PID1: variants seen among roughly 807,000 people sequenced by gnomAD.
PID1 encodes the protein PTB-containing, cubilin and LRP1-interacting protein.
Under a neutral mutation model 19.1 loss-of-function variants are expected in PID1, and 10 were observed. That is an observed-to-expected ratio of 0.52 (90% CI 0.32 to 0.89). The LOEUF is 0.89. Among genes scored for constraint, PID1 ranks in the 40% least tolerant of loss-of-function variants. The probability of loss-of-function intolerance (pLI) is 0.03; values close to 1 mark genes in which losing one functional copy is unlikely to be tolerated. For synonymous variants in PID1, 130 were observed against 116.0 expected, an observed-to-expected ratio of 1.12 and a Z score of -0.78; for missense variants, 248 against 285.3, an observed-to-expected ratio of 0.87 and a Z score of 0.94.
At chr2:229,100,901 G>C (rs1298121211) in intron 2 of PID1, among the ~76,000 whole-genome samples, 1 of 152,186 alleles carries the variant, frequency 6.6e-6, no homozygotes, top group Non-Finnish European at 1.5e-5. Context: ...ATAAGGTCTG[G>C]CGACTAGTCA....
intron 1 of PID1, among the ~76,000 whole-genome samples, chr2:229,235,903 T>C (rs919728976): frequency 2.0e-5 from 3 of 152,168 alleles, no homozygotes; most frequent in Non-Finnish European, 4.4e-5. Context: ...AAAAGACCTA[T>C]GGCCAGCTGG....
chr2:229,193,828 A>C (rs1691315750), intron 1 of PID1, among the ~76,000 whole-genome samples: 2 of 152,048 alleles, frequency 1.3e-5, no homozygotes, highest in Non-Finnish European at 2.9e-5. Context: ...CGGAAAGAAA[A>C]ACAAGTAAAA....
At chr2:229,247,776 G>A (rs563521614) in intron 1 of PID1, among the ~76,000 whole-genome samples, 6 of 152,160 alleles carry the variant, frequency 3.9e-5, no homozygotes, top group Non-Finnish European at 5.9e-5. Flanking sequence ...TTATGAACAC[G>A]CATGCATAAT....
At chr2:229,029,880 ACT>A (rs1321022244) in intron 2 of PID1, among the ~76,000 whole-genome samples, 2 of 151,730 alleles carry the variant, frequency 1.3e-5, no homozygotes, top group Non-Finnish European at 2.9e-5. Flanking sequence ...TTACTATATG[ACT>A]CTGTAGTTCC....
chr2:229,049,877 A>C (rs1182949752), intron 2 of PID1, among the ~76,000 whole-genome samples: 1 of 151,984 alleles, frequency 6.6e-6, no homozygotes, highest in Admixed American at 6.6e-5. Flanking sequence ...GAAGCATCCA[A>C]CTCTTTTATA....
At chr2:229,079,921 A>G (rs528634134) in intron 2 of PID1, among the ~76,000 whole-genome samples, 1 of 152,240 alleles carries the variant, frequency 6.6e-6, no homozygotes, top group African/African-American at 2.4e-5. Flanking sequence ...GAGGAAGGAG[A>G]TGGGCATGGA....
intron 2 of PID1, among the ~76,000 whole-genome samples, chr2:229,153,178 C>T (rs1036151656): frequency 2.0e-5 from 3 of 152,160 alleles, no homozygotes; most frequent in African/African-American, 7.2e-5. Flanking sequence ...AAACTCAGAA[C>T]ACAAAAGTGA....
At chr2:229,243,888 C>T (rs1008191485) in intron 1 of PID1, among the ~76,000 whole-genome samples, 2 of 152,118 alleles carry the variant, frequency 1.3e-5, no homozygotes, top group Non-Finnish European at 2.9e-5. Flanking sequence ...CTAGCTCATA[C>T]ATTTTTGTTA....
Position 229,137,300 on chromosome 2 carries a change from TA to T in PID1, c.177+18517del, listed in dbSNP as rs573349684. ...AATGCGCTACACTCATTTGTATGAG[TA>T]AGTAGCTTAATTGTGACATGTGTGT... On this transcript the variant is annotated intron_variant, in intron 2 of 2. Transcript: ENST00000392055. Among the ~76,000 whole-genome samples the T allele has an allele frequency of 3.3e-5, 5 of 152,332 alleles. No individual in the cohort carries two copies. The South Asian group carries it at 1.0e-3, about 32-fold the overall frequency.
At chr2:229,058,186 C>T (rs1359367615) in intron 2 of PID1, among the ~76,000 whole-genome samples, 2 of 152,172 alleles carry the variant, frequency 1.3e-5, no homozygotes, top group Admixed American at 6.5e-5. Context: ...GATGAATATG[C>T]AATGAACTAT....
intron 1 of PID1, among the ~76,000 whole-genome samples, chr2:229,209,024 G>A (rs987840939): frequency 6.6e-6 from 1 of 152,166 alleles, no homozygotes; most frequent in African/African-American, 2.4e-5. Context: ...TGAAGGTAGA[G>A]TTGCTGTTCA....
At position 229,025,242 on chromosome 2, in the gene PID1, G is replaced by A; in HGVS notation, c.*390C>T. On this transcript the variant is annotated 3_prime_UTR_variant, in exon 3 of 3. Coordinates refer to ENST00000392055, the MANE Select transcript of PID1 (RefSeq NM_001100818.2). ...CCACCCCACTAGAGATCCCATAGGT[G>A]CCCCTAACATTCTTGTGGAATTTCA... The A allele has an allele frequency of 5.1e-6, 1 of 197,566 alleles. No homozygotes were observed. The highest frequency in any genetic ancestry group is 1.1e-5 in the Non-Finnish European group (1 of 94,190). 12.2% of individuals were successfully genotyped at this position (197,566 alleles called of 1,614,324 possible). A position where few individuals can be genotyped will look rare whatever the true frequency, so the allele number is the denominator to read the frequency against.
intron 2 of PID1, among the ~76,000 whole-genome samples, chr2:229,042,200 C>T (rs1419380706): frequency 2.0e-5 from 3 of 151,724 alleles, no homozygotes; most frequent in African/African-American, 7.3e-5. Context: ...TATACACATA[C>T]ATATAGAATA....
chr2:229,031,972 A>T (rs1693564121), intron 2 of PID1, among the ~76,000 whole-genome samples: 1 of 152,122 alleles, frequency 6.6e-6, no homozygotes, highest in Non-Finnish European at 1.5e-5. Context: ...TTCCCTCTTT[A>T]TTTTTTTGTA....
At chr2:229,259,674 G>A (rs1259673036) in intron 1 of PID1, among the ~76,000 whole-genome samples, 1 of 152,150 alleles carries the variant, frequency 6.6e-6, no homozygotes, top group African/African-American at 2.4e-5. Flanking sequence ...ATATCCAATT[G>A]TTCCAGCATC....
intron 1 of PID1, among the ~76,000 whole-genome samples, chr2:229,187,707 A>T (rs550378873): frequency 9.2e-5 from 14 of 152,276 alleles, no homozygotes; most frequent in African/African-American, 3.1e-4. Flanking sequence ...CATTTCCATG[A>T]GCATAAAACA....
In PID1 at chr2:229,050,432, C is replaced by T. The variant is rs142374977; in HGVS notation, c.178-24324G>A. Among the ~76,000 whole-genome samples, 1,377 of 152,276 alleles carry T rather than the reference C, an allele frequency of 9.0e-3. 9 individuals carry two copies. The highest frequency in any genetic ancestry group is 0.028 in the South Asian group (135 of 4,824). ...ACCCCTTGTTCTGTGGTGAAACAGA[C>T]GCTACACATCTGGAGAGTGTTTTCG... On this transcript the variant is annotated intron_variant, in intron 2 of 2. Coordinates refer to ENST00000392055, the MANE Select transcript of PID1 (RefSeq NM_001100818.2).
intron 2 of PID1, among the ~76,000 whole-genome samples, chr2:229,134,210 A>G (rs1293619485): frequency 1.4e-5 from 2 of 144,708 alleles, no homozygotes; most frequent in Non-Finnish European, 3.0e-5. Flanking sequence ...CATTCTTTCA[A>G]TAACAATGTT....
chr2:229,174,563 C>A (rs1348578786), intron 1 of PID1, among the ~76,000 whole-genome samples: 2 of 151,874 alleles, frequency 1.3e-5, no homozygotes, highest in Non-Finnish European at 2.9e-5. Context: ...ATTATCACCC[C>A]CCAATGGGCC....
Sources: allele counts gnomAD v4.1 joint callset (sites outside exome capture counted in the v4.1 genomes callset), GRCh38; gene constraint gnomAD v4.1.1; transcripts MANE v1.5; gene names NCBI Gene and HGNC (gene_info 2026-07-23, HGNC 2026-07-21).